The following PDE1A variants were observed in gnomAD, a reference collection of about 807,000 sequenced individuals.
The protein encoded by PDE1A is phosphodiesterase 1A.
In PDE1A, 35 loss-of-function variants were observed where a neutral mutation model predicts 61.7. The observed-to-expected ratio is 0.57, with a 90% CI of 0.43 to 0.75. The LOEUF (loss-of-function observed/expected upper bound fraction) is 0.75. PDE1A is among the 30% of genes least tolerant of loss of function. The probability of loss-of-function intolerance (pLI) is 0.00; values close to 1 mark genes in which losing one functional copy is unlikely to be tolerated. For missense variants in PDE1A, 597 were observed against 630.6 expected, an observed-to-expected ratio of 0.95 and a Z score of 0.57; for synonymous variants, 232 against 213.2, an observed-to-expected ratio of 1.09 and a Z score of -0.77.
intron 13 of PDE1A, among the ~76,000 whole-genome samples, chr2:182,180,759 C>T (rs1171042810): frequency 2.0e-5 from 3 of 151,768 alleles, no homozygotes; most frequent in Non-Finnish European, 2.9e-5. Flanking sequence ...CATAGTCCCA[C>T]ATTTCTCGGA....
chr2:182,673,097 T>C, the PDE1A span, among the ~76,000 whole-genome samples: 4 of 152,204 alleles, frequency 2.6e-5, no homozygotes, highest in Non-Finnish European at 5.9e-5. Context: ...TCACATGTTT[T>C]TGTGGCAATC....
chr2:182,349,455 T>C (rs1559363843), intron 1 of PDE1A, among the ~76,000 whole-genome samples: 1 of 152,224 alleles, frequency 6.6e-6, no homozygotes, highest in Non-Finnish European at 1.5e-5. Context: ...TTAGATTTTG[T>C]CATGTTTTTT....
chr2:182,339,320 G>C (rs774857234), intron 1 of PDE1A, among the ~76,000 whole-genome samples: 16 of 152,020 alleles, frequency 1.1e-4, no homozygotes, highest in Non-Finnish European at 1.6e-4. Context: ...AGTTGCCTGA[G>C]AAAATGTTCA....
chr2:182,453,686 A>C (rs1439091155), intron 2 of PDE1A, among the ~76,000 whole-genome samples: 1 of 152,206 alleles, frequency 6.6e-6, no homozygotes. Context: ...ATCTCAATAG[A>C]TGCAGAAAAG....
chr2:182,304,977 AC>A (rs1362911065), intron 1 of PDE1A, among the ~76,000 whole-genome samples: 1 of 152,058 alleles, frequency 6.6e-6, no homozygotes, highest in Non-Finnish European at 1.5e-5. Context: ...GTATATAAAG[AC>A]CCCAACTCCA....
chr2:182,464,467 C>A (rs1336497105), intron 2 of PDE1A, among the ~76,000 whole-genome samples: 1 of 152,020 alleles, frequency 6.6e-6, no homozygotes, highest in Non-Finnish European at 1.5e-5. Flanking sequence ...TGACCAAATA[C>A]CTCTCAGTAG....
chr2:182,403,189 C>T (rs143248344), intron 1 of PDE1A, among the ~76,000 whole-genome samples: 3,306 of 152,006 alleles, frequency 0.022, 56 homozygotes, highest in South Asian at 0.047. Flanking sequence ...ACCCAAAGGA[C>T]TATAAATCAT....
chr2:182,375,818 A>C (rs1035801853), intron 1 of PDE1A, among the ~76,000 whole-genome samples: 5 of 152,320 alleles, frequency 3.3e-5, no homozygotes, highest in Middle Eastern at 3.4e-3. Context: ...ACTTCTTCTG[A>C]AATCTAGGTG....
the PDE1A span, among the ~76,000 whole-genome samples, chr2:182,707,915 G>T: frequency 6.6e-6 from 1 of 152,116 alleles, no homozygotes; most frequent in Non-Finnish European, 1.5e-5. Flanking sequence ...TTACAGCTAG[G>T]TAGGATGACT....
the PDE1A span, among the ~76,000 whole-genome samples, chr2:182,542,774 A>T: frequency 2.6e-5 from 4 of 152,204 alleles, no homozygotes; most frequent in African/African-American, 9.6e-5. Flanking sequence ...CCAATTGTCA[A>T]GATAATAACT....
the PDE1A span, among the ~76,000 whole-genome samples, chr2:182,533,139 G>A: frequency 4.8e-4 from 73 of 151,922 alleles, no homozygotes; most frequent in African/African-American, 1.7e-3. Flanking sequence ...TGGCAAAAGC[G>A]CATCTCTACT....
Position 182,299,985 on chromosome 2 carries a change from G to T in PDE1A, c.54-35571C>A, listed in dbSNP as rs540410521. 1.8e-3 allele frequency among the ~76,000 whole-genome samples: 271 copies of T among 152,318 alleles called. 1 individual carries two copies. The highest frequency in any genetic ancestry group is 6.4e-3 in the African/African-American group (265 of 41,578). On this transcript the variant is annotated intron_variant, in intron 1 of 13. Transcript: ENST00000351439. The stretch of plus-strand genomic sequence containing the variant: ...GACATATCTCAGACAGATAGTGGGA[G>T]ATAAATCTTCCTAATTCAGGGGTGT...
At chr2:182,656,837 G>C in the PDE1A span, among the ~76,000 whole-genome samples, 5 of 152,196 alleles carry the variant, frequency 3.3e-5, no homozygotes, top group East Asian at 9.7e-4. Context: ...AATAGAGCTT[G>C]GCCAGACTTA....
chr2:182,608,610 G>A, the PDE1A span, among the ~76,000 whole-genome samples: 1 of 152,330 alleles, frequency 6.6e-6, no homozygotes, highest in Admixed American at 6.5e-5. Context: ...TGCTGTGCTC[G>A]ATTTCTCGCC....
chr2:182,291,089 A>C (rs1157523052), intron 1 of PDE1A, among the ~76,000 whole-genome samples: 1 of 152,032 alleles, frequency 6.6e-6, no homozygotes, highest in Non-Finnish European at 1.5e-5. Flanking sequence ...CTGCAGCCAC[A>C]ATGTTAGCTC....
chr2:182,571,856 CA>C, the PDE1A span, among the ~76,000 whole-genome samples: 1 of 151,996 alleles, frequency 6.6e-6, no homozygotes, highest in African/African-American at 2.4e-5. Flanking sequence ...AGCAGTCACT[CA>C]ACCATGTCTC....
At chr2:182,304,048 G>A (rs1208538334) in intron 1 of PDE1A, among the ~76,000 whole-genome samples, 2 of 151,574 alleles carry the variant, frequency 1.3e-5, no homozygotes, top group African/African-American at 4.9e-5. Context: ...CTACAGGTGT[G>A]TGCCACCATG....
chr2:182,606,529 TC>T, the PDE1A span, among the ~76,000 whole-genome samples: 2 of 152,204 alleles, frequency 1.3e-5, no homozygotes, highest in African/African-American at 4.8e-5. Flanking sequence ...TTTCATTCAT[TC>T]AACTATTTAA....
At chr2:182,397,099 C>A (rs2125423318) in intron 1 of PDE1A, among the ~76,000 whole-genome samples, 1 of 152,238 alleles carries the variant, frequency 6.6e-6, no homozygotes, top group South Asian at 2.1e-4. Context: ...ATATAGGCCT[C>A]ACTTCTCTGT....
Sources: allele counts gnomAD v4.1 joint callset (sites outside exome capture counted in the v4.1 genomes callset), GRCh38; gene constraint gnomAD v4.1.1; transcripts MANE v1.5; gene names NCBI Gene and HGNC (gene_info 2026-07-23, HGNC 2026-07-21).